HUNK: variants seen among roughly 807,000 people sequenced by gnomAD.
The protein encoded by HUNK is hormonally up-regulated neu tumor-associated kinase.
Under a neutral mutation model 61.0 loss-of-function variants are expected in HUNK, and 21 were observed. The observed-to-expected ratio is 0.34, with a 90% confidence interval of 0.24 to 0.50. HUNK has a LOEUF of 0.50. Among genes scored for constraint, HUNK ranks in the 20% least tolerant of loss-of-function variants. HUNK has a pLI of 0.98. For synonymous variants in HUNK, 371 were observed against 386.1 expected (o/e 0.96, Z 0.46); for missense variants, 772 against 945.7 (o/e 0.82, Z 2.41).
chr21:31,990,115 G>C lies in HUNK; in HGVS notation c.1258-14G>C, dbSNP rs755893309. ...GCAGATTCTCGAATTGTTGAAGGAT[G>C]TTCCTTTTCACAGGCCTCTCTGGAC... On this transcript the variant is annotated splice_polypyrimidine_tract_variant and intron_variant, in intron 8 of 10. Coordinates refer to ENST00000270112, the MANE Select transcript of HUNK (RefSeq NM_014586.2). The C allele has an allele frequency of 1.2e-6, 2 of 1,613,136 alleles. No homozygotes were observed. The highest frequency in any genetic ancestry group is 2.7e-5 in the African/African-American group (2 of 74,892).
rs532585184 is a variant in HUNK at position 31,967,218 on chromosome 21, G to A, written c.875-1032G>A. On this transcript the variant is annotated intron_variant, in intron 5 of 10. Transcript: ENST00000270112. ...ATAAAAAAAGTATCCAGGTGTGACG[G>A]TGCATGCCTGTAGTCTCACCTACTT... Among the ~76,000 whole-genome samples, 19 of 152,178 alleles carry A rather than the reference G, an allele frequency of 1.2e-4. No homozygotes were observed. In the South Asian group the frequency reaches 4.0e-3, roughly 32 times the overall value.
chr21:31,905,378 C>T (rs974443770), intron 1 of HUNK, among the ~76,000 whole-genome samples: 10 of 152,252 alleles, frequency 6.6e-5, no homozygotes, highest in Non-Finnish European at 1.3e-4. Context: ...GCCACACAGT[C>T]GGTGATACTT....
At position 31,903,444 on chromosome 21, in the gene HUNK, C is replaced by T. The variant is rs531476512; in HGVS notation, c.262-21024C>T. 5.6e-4 allele frequency among the ~76,000 whole-genome samples: 85 copies of T among 151,860 alleles called. 1 individual carries two copies. In the South Asian group the frequency reaches 6.0e-3, roughly 11 times the overall value. ...AGTCATTGGAATAGTAAAAAATGTT[C>T]GCTAGGTACTAAAAATACTGTGGAG... On this transcript the variant is annotated intron_variant, in intron 1 of 10. Transcript: ENST00000270112.
chr21:31,887,733 G>A (rs2052357004), intron 1 of HUNK, among the ~76,000 whole-genome samples: 2 of 152,372 alleles, frequency 1.3e-5, no homozygotes, highest in Admixed American at 6.5e-5. Context: ...GTGGTGCTAA[G>A]AGATAAAGGA....
intron 10 of HUNK, among the ~76,000 whole-genome samples, chr21:31,997,697 T>G (rs963226136): frequency 6.6e-6 from 1 of 152,186 alleles, no homozygotes; most frequent in African/African-American, 2.4e-5. Context: ...TAAAAATGGT[T>G]AAGATGATAA....
intron 1 of HUNK, among the ~76,000 whole-genome samples, chr21:31,908,231 G>T (rs999246767): frequency 6.6e-6 from 1 of 152,104 alleles, no homozygotes; most frequent in Admixed American, 6.5e-5. Flanking sequence ...GGAGAGGGAG[G>T]TGTGGGTGGG....
At chr21:31,954,644 A>G (rs2052875357) in intron 4 of HUNK, among the ~76,000 whole-genome samples, 1 of 152,210 alleles carries the variant, frequency 6.6e-6, no homozygotes, top group Non-Finnish European at 1.5e-5. Flanking sequence ...CACCTCCCCT[A>G]AAACTTTTCA....
intron 2 of HUNK, among the ~76,000 whole-genome samples, chr21:31,929,963 G>A (rs1270355961): frequency 6.6e-6 from 1 of 152,232 alleles, no homozygotes; most frequent in Non-Finnish European, 1.5e-5. Context: ...CAGGAGCTGG[G>A]TGGAATCCCA....
At chr21:31,945,038 G>A (rs1471900562) in intron 3 of HUNK, among the ~76,000 whole-genome samples, 1 of 150,806 alleles carries the variant, frequency 6.6e-6, no homozygotes, top group Admixed American at 6.6e-5. Flanking sequence ...AAATACTGCC[G>A]ATTGAGAAAG....
intron 4 of HUNK, among the ~76,000 whole-genome samples, chr21:31,957,650 C>T (rs2052898724): frequency 6.6e-6 from 1 of 152,166 alleles, no homozygotes; most frequent in Admixed American, 6.5e-5. Context: ...GAAATCTCAT[C>T]AAAATGATAT....
intron 1 of HUNK, among the ~76,000 whole-genome samples, chr21:31,893,955 G>C (rs1189770969): frequency 6.6e-6 from 1 of 152,184 alleles, no homozygotes; most frequent in African/African-American, 2.4e-5. Context: ...ACTGGGTTGA[G>C]AATTTTGTCT....
intron 7 of HUNK, among the ~76,000 whole-genome samples, chr21:31,979,278 C>T (rs889287710): frequency 1.3e-5 from 2 of 151,808 alleles, no homozygotes; most frequent in Admixed American, 1.3e-4. Context: ...ACCACCATGC[C>T]CAGCTAATTT....
At chr21:31,882,157 C>T (rs1191648896) in intron 1 of HUNK, among the ~76,000 whole-genome samples, 2 of 151,904 alleles carry the variant, frequency 1.3e-5, no homozygotes, top group Non-Finnish European at 2.9e-5. Context: ...CAGTTTGGGA[C>T]ATTCTCATGG....
At chr21:31,939,502 G>A (rs566599508) in intron 2 of HUNK, among the ~76,000 whole-genome samples, 41 of 140,180 alleles carry the variant, frequency 2.9e-4, no homozygotes, top group African/African-American at 1.0e-3. Context: ...TCTGCCTCCC[G>A]GGTACAAGCG....
At chr21:31,928,846 C>T (rs2052678625) in intron 2 of HUNK, among the ~76,000 whole-genome samples, 1 of 152,166 alleles carries the variant, frequency 6.6e-6, no homozygotes, top group Admixed American at 6.5e-5. Flanking sequence ...CTCCTTTATG[C>T]TGCAAAGGTG....
chr21:31,979,505 T>G (rs1006377170), intron 7 of HUNK, among the ~76,000 whole-genome samples: 21 of 145,998 alleles, frequency 1.4e-4, no homozygotes, highest in Non-Finnish European at 2.4e-4. Context: ...GCTATTGAGT[T>G]GTTTGCATTC....
intron 4 of HUNK, 150 bp downstream of exon 4, chr21:31,946,321 C>A: frequency 2.5e-6 from 2 of 800,664 alleles, no homozygotes; most frequent in Non-Finnish European, 1.9e-6. Context: ...GGCTTTCCAT[C>A]TCTGTTCCTT....
At chr21:31,989,794 T>C (rs1340301777) in intron 8 of HUNK, among the ~76,000 whole-genome samples, 3 of 151,658 alleles carry the variant, frequency 2.0e-5, no homozygotes, top group African/African-American at 7.3e-5. Context: ...AGGGAGGACC[T>C]TCCAGATGCT....
intron 1 of HUNK, among the ~76,000 whole-genome samples, chr21:31,874,474 T>G (rs7281666): frequency 1.3e-5 from 2 of 152,066 alleles, no homozygotes; most frequent in African/African-American, 4.8e-5. Flanking sequence ...AGCTAGGGAA[T>G]GTTTTTTGGC....
Sources: gnomAD v4.1 joint callset for allele counts (sites outside exome capture counted in the v4.1 genomes callset) on GRCh38, gnomAD v4.1.1 for gene constraint, MANE v1.5 for transcripts, NCBI Gene and HGNC (gene_info 2026-07-23, HGNC 2026-07-21) for gene names.